PUM2: variants seen among roughly 807,000 people sequenced by gnomAD.
PUM2 encodes pumilio RNA binding family member 2.
PUM2 carries 57 observed loss-of-function variants against 124.5 expected under a neutral mutation model. The observed-to-expected ratio is 0.46, with a 90% CI of 0.37 to 0.57. The LOEUF is 0.57. Among genes scored for constraint, PUM2 ranks in the 20% least tolerant of loss-of-function variants. The pLI, the probability that PUM2 is intolerant of heterozygous loss-of-function variation, is 0.00. For synonymous variants in PUM2, 460 were observed against 446.1 expected (o/e 1.03, Z -0.39); for missense variants, 1,065 against 1,290.6 (o/e 0.83, Z 2.68).
intron 10 of PUM2, among the ~76,000 whole-genome samples, chr2:20,287,189 C>A (rs1027390089): frequency 6.6e-6 from 1 of 152,214 alleles, no homozygotes; most frequent in Non-Finnish European, 1.5e-5. Flanking sequence ...ACAAAACTCT[C>A]TAAGACATTT....
Position 20,308,579 on chromosome 2 carries a change from G to A in PUM2, c.524C>T (p.Thr175Ile), listed in dbSNP as rs768048673. Reference protein sequence around the residue: ...MDADCKDFNRTPGSRQASPTE... With the variant: ...MDADCKDFNRIPGSRQASPTE... ...TGGAGAGGCTTGACGACTTCCAGGA[G>A]TACGACTACATAAAGAAAATAGAAA... The change falls in exon 6 of 21, where the codon ACT becomes ATT. Residue 175 changes from threonine to isoleucine, a missense_variant. Thr to Ile is a moderately conservative substitution (Grantham distance 89). Coordinates refer to ENST00000361078, the MANE Select transcript of PUM2 (RefSeq NM_015317.5). The A allele has an allele frequency of 6.3e-5, 101 of 1,603,646 alleles. No homozygotes were observed. The highest frequency in any genetic ancestry group is 1.7e-5 in the Admixed American group (1 of 57,922).
chr2:20,312,144 G>A, intron 4 of PUM2, 92 bp downstream of exon 4: 1 of 1,198,570 alleles, frequency 8.3e-7, no homozygotes, highest in Non-Finnish European at 1.1e-6. Flanking sequence ...TATAGGAAGG[G>A]CACAGAAAAA....
chr2:20,302,178 G>A lies in PUM2; in HGVS notation c.884-4500C>T, dbSNP rs187460130. On this transcript the variant is annotated intron_variant, in intron 7 of 20. Transcript: ENST00000361078. Reference sequence around the variant, plus strand: ...TGTTCCCGCCTCAACCTCCAGTAGCGGAGAATAAAGGCAGGTGCCAACACA... The same window carrying A: ...TGTTCCCGCCTCAACCTCCAGTAGCAGAGAATAAAGGCAGGTGCCAACACA... Among the ~76,000 whole-genome samples the A allele has an allele frequency of 2.8e-3, 423 of 152,232 alleles. 1 individual carries two copies. Among genetic ancestry groups the A allele is most frequent in the African/African-American group, 9.4e-3 (392 of 41,524 alleles).
At chr2:20,314,245 C>T (rs1322385928) in intron 3 of PUM2, among the ~76,000 whole-genome samples, 3 of 152,150 alleles carry the variant, frequency 2.0e-5, no homozygotes, top group Non-Finnish European at 2.9e-5. Context: ...TAGATCAGAA[C>T]TCACGACTAT....
intron 1 of PUM2, among the ~76,000 whole-genome samples, chr2:20,335,848 T>C (rs1685880763): frequency 1.3e-5 from 2 of 152,230 alleles, no homozygotes; most frequent in Non-Finnish European, 2.9e-5. Flanking sequence ...ACCCCATCAT[T>C]TAGACAAATC....
At chr2:20,298,164 T>C (rs1301407805) in intron 7 of PUM2, among the ~76,000 whole-genome samples, 1 of 152,196 alleles carries the variant, frequency 6.6e-6, no homozygotes, top group East Asian at 1.9e-4. Context: ...ACAGGTATAT[T>C]AGCAAATACA....
chr2:20,316,816 G>A (rs1258171012), intron 3 of PUM2, among the ~76,000 whole-genome samples: 2 of 152,194 alleles, frequency 1.3e-5, no homozygotes, highest in African/African-American at 2.4e-5. Flanking sequence ...CAGATCACCT[G>A]AGGTAAGATT....
At chr2:20,257,402 GATA>G (rs1484186885) in intron 16 of PUM2, among the ~76,000 whole-genome samples, 1 of 152,064 alleles carries the variant, frequency 6.6e-6, no homozygotes, top group East Asian at 1.9e-4. Flanking sequence ...ATGAGTCAAA[GATA>G]ATCTCTTTCC....
At chr2:20,290,906 A>T in intron 9 of PUM2, 116 bp from the exon 10 acceptor site, 1 of 783,656 alleles carries the variant, frequency 1.3e-6, no homozygotes, top group Non-Finnish European at 1.9e-6. Context: ...AAACATTTAC[A>T]TGCAAGGAAA....
intron 13 of PUM2, among the ~76,000 whole-genome samples, chr2:20,269,041 G>C (rs946434337): frequency 2.0e-5 from 3 of 151,996 alleles, no homozygotes; most frequent in African/African-American, 4.8e-5. Context: ...TAATTAGGCT[G>C]AATTTTTGTT....
At chr2:20,261,346 A>G (rs1359198503) in intron 14 of PUM2, among the ~76,000 whole-genome samples, 1 of 140,720 alleles carries the variant, frequency 7.1e-6, no homozygotes, top group Non-Finnish European at 1.5e-5. Context: ...GTGAGCCGAG[A>G]TCATGCCATT....
At chr2:20,259,274 AT>A (rs948437962) in intron 15 of PUM2, among the ~76,000 whole-genome samples, 3 of 152,046 alleles carry the variant, frequency 2.0e-5, no homozygotes, top group Non-Finnish European at 2.9e-5. Flanking sequence ...TCATGTTAAA[AT>A]TTTTTTTGTG....
At chr2:20,260,234 T>C (rs1224811388) in intron 15 of PUM2, 103 bp downstream of exon 15, 2 of 1,238,964 alleles carry the variant, frequency 1.6e-6, no homozygotes, top group Non-Finnish European at 2.2e-6. Flanking sequence ...GCTTATTATC[T>C]TTTTTTATAT....
chr2:20,329,592 T>TA (rs1684466920), intron 1 of PUM2, among the ~76,000 whole-genome samples: 1 of 152,130 alleles, frequency 6.6e-6, no homozygotes, highest in Non-Finnish European at 1.5e-5. Flanking sequence ...GACAGATTGG[T>TA]ACTAGAGCAG....
At chr2:20,313,506 C>T (rs528884578) in intron 3 of PUM2, among the ~76,000 whole-genome samples, 3 of 152,140 alleles carry the variant, frequency 2.0e-5, no homozygotes, top group South Asian at 2.1e-4. Context: ...CAATTTATAA[C>T]GTAACAATTC....
chr2:20,287,621 G>A (rs1031781415), intron 10 of PUM2, among the ~76,000 whole-genome samples: 1 of 152,056 alleles, frequency 6.6e-6, no homozygotes, highest in Non-Finnish European at 1.5e-5. Flanking sequence ...TGAGAGATTT[G>A]GTAGGCCCAT....
chr2:20,291,271 A>G (rs1674004725), intron 9 of PUM2, among the ~76,000 whole-genome samples: 1 of 152,212 alleles, frequency 6.6e-6, no homozygotes, highest in African/African-American at 2.4e-5. Context: ...AACTCATGTG[A>G]CCAGCAGGGA....
intron 13 of PUM2, among the ~76,000 whole-genome samples, chr2:20,267,214 C>A (rs189579959): frequency 6.6e-6 from 1 of 151,554 alleles, no homozygotes; most frequent in African/African-American, 2.4e-5. Flanking sequence ...TTAGTAGAGA[C>A]GGGGTTTCAC....
chr2:20,276,048 GGAA>G (rs1321392350), intron 13 of PUM2, among the ~76,000 whole-genome samples: 8 of 152,006 alleles, frequency 5.3e-5, no homozygotes, highest in Admixed American at 3.9e-4. Flanking sequence ...TATAAAAAAT[GGAA>G]GAATAAAATT....
Sources: gnomAD v4.1 joint callset for allele counts (sites outside exome capture counted in the v4.1 genomes callset) on GRCh38, gnomAD v4.1.1 for gene constraint, MANE v1.5 for transcripts, NCBI Gene and HGNC (gene_info 2026-07-23, HGNC 2026-07-21) for gene names.